Variants in TERF1 observed in about 807,000 individuals in gnomAD.
The protein encoded by TERF1 is telomeric repeat binding factor 1.
In TERF1, 20 loss-of-function variants were observed where a neutral mutation model predicts 55.1. The observed-to-expected ratio is 0.36, with a 90% CI of 0.26 to 0.53. TERF1 has a LOEUF of 0.53. Among genes scored for constraint, TERF1 ranks in the 20% least tolerant of loss-of-function variants. The pLI, the probability that TERF1 is intolerant of heterozygous loss-of-function variation, is 0.91. For synonymous variants in TERF1, 168 were observed against 181.2 expected, an observed-to-expected ratio of 0.93 and a Z score of 0.59; for missense variants, 439 against 535.7, an observed-to-expected ratio of 0.82 and a Z score of 1.78.
intron 8 of TERF1, among the ~76,000 whole-genome samples, chr8:73,037,832 AATAATATATATAATAT>A (rs1255283257): frequency 8.3e-4 from 77 of 92,446 alleles, no homozygotes; most frequent in Non-Finnish European, 1.4e-3. Flanking sequence ...TATATAGTAT[AATAATATATATAATAT>A]ATAATATATA....
intron 8 of TERF1, among the ~76,000 whole-genome samples, 193 bp downstream of exon 8, chr8:73,032,326 C>A (rs541046377): frequency 1.3e-5 from 2 of 152,274 alleles, no homozygotes; most frequent in East Asian, 1.9e-4. Flanking sequence ...GCTTAGGGTT[C>A]TTTTGCTATG....
At chr8:73,020,191 G>A (rs1489706106) in intron 2 of TERF1, among the ~76,000 whole-genome samples, 1 of 152,172 alleles carries the variant, frequency 6.6e-6, no homozygotes, top group Non-Finnish European at 1.5e-5. Flanking sequence ...TTGCTAATTA[G>A]TTATCAGCTG....
intron 6 of TERF1, chr8:73,029,858 G>C (rs1442522357): frequency 6.6e-6 from 1 of 152,278 alleles, no homozygotes; most frequent in Non-Finnish European, 1.5e-5. Context: ...AAATAGTCAT[G>C]CTGTGTGTAT....
At chr8:73,032,542 G>A (rs1586054802) in intron 8 of TERF1, among the ~76,000 whole-genome samples, 2 of 151,864 alleles carry the variant, frequency 1.3e-5, no homozygotes, top group East Asian at 3.9e-4. Flanking sequence ...TTGATAATTA[G>A]CAATGGTACT....
intron 8 of TERF1, among the ~76,000 whole-genome samples, chr8:73,033,752 A>G (rs1462523618): frequency 6.6e-6 from 1 of 152,152 alleles, no homozygotes; most frequent in African/African-American, 2.4e-5. Flanking sequence ...CGAAGACTAT[A>G]AACTCTTTGC....
Position 73,024,866 on chromosome 8 carries a change from A to G in TERF1, c.669A>G (p.Thr223=), listed in dbSNP as rs774694531. 2.8e-5 allele frequency: 45 copies of G among 1,589,576 alleles called. No homozygotes were observed. Among genetic ancestry groups the G allele is most frequent in the Non-Finnish European group, 3.8e-5 (44 of 1,172,100 alleles). Residue 223 remains threonine (T), a synonymous_variant, in exon 5 of 10, where the codon ACA becomes ACG. Transcript: ENST00000276603. ...KLLMIISQKD[T]FHSFFQHFSY... Reference sequence around the variant, plus strand: ...TTATGATAATCTCTCAGAAAGATACATTTCATTCCTTTTTTCAACACTTCA... The same window carrying G: ...TTATGATAATCTCTCAGAAAGATACGTTTCATTCCTTTTTTCAACACTTCA...
At chr8:73,021,031 G>A (rs546840723) in intron 3 of TERF1, among the ~76,000 whole-genome samples, 1 of 152,144 alleles carries the variant, frequency 6.6e-6, no homozygotes, top group East Asian at 1.9e-4. Flanking sequence ...TTAAAAACCA[G>A]GGGTTTGTGC....
chr8:73,029,093 G>C (rs1809162605), intron 6 of TERF1, among the ~76,000 whole-genome samples: 1 of 152,102 alleles, frequency 6.6e-6, no homozygotes. Flanking sequence ...CAAACCACCA[G>C]TGTCATGACA....
At chr8:73,018,828 A>C (rs936510989) in intron 2 of TERF1, 1 of 152,222 alleles carries the variant, frequency 6.6e-6, no homozygotes, top group Non-Finnish European at 1.5e-5. Flanking sequence ...TGAAATATGC[A>C]TTATAGAGTA....
At chr8:73,024,760 A>G in intron 4 of TERF1, 62 bp from the exon 5 acceptor site, 1 of 1,194,472 alleles carries the variant, frequency 8.4e-7, no homozygotes, top group Non-Finnish European at 1.2e-6. Context: ...ATATGTGACA[A>G]AAATCGTTGT....
At chr8:73,039,027 A>G (rs1809720881) in intron 8 of TERF1, 89 bp from the exon 9 acceptor site, 1 of 992,950 alleles carries the variant, frequency 1.0e-6, no homozygotes, top group East Asian at 2.7e-5. Flanking sequence ...TAGCTTAGAA[A>G]AGGAATTTCA....
At chr8:73,011,964 C>T (rs763410643) in intron 1 of TERF1, 1 of 152,176 alleles carries the variant, frequency 6.6e-6, no homozygotes, top group Non-Finnish European at 1.5e-5. Flanking sequence ...GGCTGTTAGA[C>T]ACAAGAGGCC....
chr8:73,021,873 C>A (rs1457188224), intron 3 of TERF1, among the ~76,000 whole-genome samples: 1 of 152,112 alleles, frequency 6.6e-6, no homozygotes. Flanking sequence ...CTCTCATTTC[C>A]CTTTTACTCA....
intron 8 of TERF1, among the ~76,000 whole-genome samples, chr8:73,032,942 A>G (rs920765381): frequency 3.3e-5 from 5 of 151,766 alleles, no homozygotes; most frequent in Non-Finnish European, 5.9e-5. Context: ...ATATGTATAC[A>G]TGTGCCATGT....
chr8:73,029,615 A>AG (rs369349040), intron 6 of TERF1, among the ~76,000 whole-genome samples: 1 of 151,864 alleles, frequency 6.6e-6, no homozygotes, highest in Non-Finnish European at 1.5e-5. Context: ...AAAAAAAAAA[A>AG]GGGGGTGTAA....
chr8:73,010,902 G>A (rs907686742), intron 1 of TERF1: 9 of 152,212 alleles, frequency 5.9e-5, no homozygotes, highest in African/African-American at 1.9e-4. Flanking sequence ...GAGCTCTTGA[G>A]TGGTTAGGCG....
chr8:73,034,413 G>A (rs1283970836), intron 8 of TERF1, among the ~76,000 whole-genome samples: 1 of 150,946 alleles, frequency 6.6e-6, no homozygotes, highest in African/African-American at 2.4e-5. Flanking sequence ...GATTACAGGC[G>A]TGAGCCACCA....
chr8:73,029,285 A>G (rs1334377737), intron 6 of TERF1, among the ~76,000 whole-genome samples: 2 of 152,204 alleles, frequency 1.3e-5, no homozygotes, highest in Non-Finnish European at 2.9e-5. Flanking sequence ...TAGGACATCC[A>G]TCCTTCATGA....
intron 1 of TERF1, 96 bp downstream of exon 1, chr8:73,009,301 A>AGGTCGGGAGAGG (rs2129693250): frequency 8.1e-7 from 1 of 1,227,840 alleles, no homozygotes. Context: ...TCGCCGAGGG[A>AGGTCGGGAGAGG]GGGGCTGCTG....
Sources: allele counts gnomAD v4.1 joint callset (sites outside exome capture counted in the v4.1 genomes callset), GRCh38; gene constraint gnomAD v4.1.1; transcripts MANE v1.5; gene names NCBI Gene and HGNC (gene_info 2026-07-23, HGNC 2026-07-21).